The following MAN2B2 variants were observed in gnomAD, a reference collection of about 807,000 sequenced individuals.
MAN2B2 encodes epididymis-specific alpha-mannosidase.
In MAN2B2, 106 loss-of-function variants were observed where a neutral mutation model predicts 117.1. The ratio of observed to expected loss-of-function variants is 0.90; its 90% CI spans 0.77 to 1.06. The LOEUF is 1.06. Ranked by LOEUF, MAN2B2 falls within the 50% of genes least tolerant of loss-of-function variation. MAN2B2 has a pLI of 0.00. For synonymous variants in MAN2B2, 544 were observed against 595.1 expected, an observed-to-expected ratio of 0.91 and a Z score of 1.25; for missense variants, 1,326 against 1,381.4, an observed-to-expected ratio of 0.96 and a Z score of 0.64.
intron 10 of MAN2B2, among the ~76,000 whole-genome samples, chr4:6,602,795 T>A (rs1280769649): frequency 6.6e-6 from 1 of 151,870 alleles, no homozygotes; most frequent in Non-Finnish European, 1.5e-5. Flanking sequence ...CTCAGTCTCC[T>A]GAGTAGCTGG....
intron 17 of MAN2B2, 116 bp downstream of exon 17, chr4:6,617,608 G>A (rs969626344): frequency 4.5e-6 from 7 of 1,541,896 alleles, no homozygotes; most frequent in African/African-American, 2.7e-5. Flanking sequence ...ATGGACGCTG[G>A]TATGGGCCCC....
chr4:6,609,276 G>GAGAGCC lies in MAN2B2; in HGVS notation c.1987_1988insGCCAGA (p.Glu662_Ile663insSerGln). Reference sequence around the variant, plus strand: ...GATTGTGGCGGGACAGCTTGTGACTGAGATCCGGCAGTACTTCTACAGGTG... The same window carrying GAGAGCC: ...GATTGTGGCGGGACAGCTTGTGACTGAGAGCCAGATCCGGCAGTACTTCTACAGGTG... On this transcript the variant is annotated inframe_insertion, in exon 12 of 19. Transcript: ENST00000285599. The GAGAGCC allele has an allele frequency of 5.0e-6, 8 of 1,614,022 alleles. No homozygotes were observed. Among genetic ancestry groups the GAGAGCC allele is most frequent in the Non-Finnish European group, 6.8e-6 (8 of 1,179,980 alleles).
At chr4:6,582,878 G>A (rs955333901) in intron 3 of MAN2B2, among the ~76,000 whole-genome samples, 1 of 151,578 alleles carries the variant, frequency 6.6e-6, no homozygotes, top group South Asian at 2.1e-4. Flanking sequence ...GTGCTAGTGA[G>A]CTTGCTTGTG....
intron 3 of MAN2B2, among the ~76,000 whole-genome samples, chr4:6,580,584 T>C (rs1234702019): frequency 1.3e-5 from 2 of 152,066 alleles, no homozygotes; most frequent in African/African-American, 2.4e-5. Flanking sequence ...TTCTCCACCC[T>C]CCTCCTCAAG....
chr4:6,577,093 G>A (rs1415710463), intron 2 of MAN2B2, among the ~76,000 whole-genome samples: 1 of 152,136 alleles, frequency 6.6e-6, no homozygotes, highest in Non-Finnish European at 1.5e-5. Flanking sequence ...CTGGCCCCCG[G>A]GCCCAGGGTC....
At chr4:6,594,880 G>C in intron 7 of MAN2B2, 148 bp downstream of exon 7, 1 of 780,416 alleles carries the variant, frequency 1.3e-6, no homozygotes, top group African/African-American at 1.7e-5. Context: ...CAGGGGCAGA[G>C]ACTGACCCTC....
chr4:6,579,015 CCACCATCACCATCACCACTACCACCAT>C (rs1726185496), intron 3 of MAN2B2, among the ~76,000 whole-genome samples: 1 of 102,434 alleles, frequency 9.8e-6, no homozygotes, highest in Non-Finnish European at 1.9e-5. Context: ...ACCACCACCA[CCACCATCACCATCACCACTACCACCAT>C]CACCACCATC....
intron 16 of MAN2B2, 33 bp downstream of exon 16, chr4:6,614,388 T>C (rs1396918971): frequency 1.2e-6 from 2 of 1,605,776 alleles, no homozygotes; most frequent in East Asian, 2.2e-5. Context: ...TCAGACCTGC[T>C]CCTCCCTCCC....
rs1164437028 is a variant in MAN2B2, at chr4:6,593,230, G to A, written c.738G>A (p.Val246=). Reference sequence around the variant, plus strand: ...TCCCCAAGCCTCCCCAAGATGGGGTGTACCCCAACATGAGTGAGCCTGTCA... The same window carrying A: ...TCCCCAAGCCTCCCCAAGATGGGGTATACCCCAACATGAGTGAGCCTGTCA... ...AVFPKPPQDG[V]YPNMSEPVTP... Residue 246 remains valine (V), a synonymous_variant, in exon 6 of 19, where the codon GTG becomes GTA. Transcript: ENST00000285599. 13 of 1,613,856 alleles carry A rather than the reference G, an allele frequency of 8.1e-6. No homozygotes were observed. The highest frequency in any genetic ancestry group is 1.1e-5 in the Non-Finnish European group (13 of 1,179,866).
In MAN2B2 at chr4:6,614,381, G is replaced by A. The variant is rs200903733; in HGVS notation, c.2701+26G>A. The A allele has an allele frequency of 5.6e-4, 897 of 1,608,504 alleles. 8 individuals carry two copies. In the African/African-American group the frequency reaches 0.011, roughly 19 times the overall value. On this transcript the variant is annotated intron_variant, in intron 16 of 18. Transcript: ENST00000285599. ...GTGAGGCAGGTGCCCTGGCGTCTCA[G>A]ACCTGCTCCTCCCTCCCTGAGTCAA... is the stretch of plus-strand genomic sequence containing the variant.
At chr4:6,592,073 T>C (rs1726882269) in intron 5 of MAN2B2, among the ~76,000 whole-genome samples, 1 of 152,176 alleles carries the variant, frequency 6.6e-6, no homozygotes, top group African/African-American at 2.4e-5. Context: ...GCAGTCAGCC[T>C]TGGTCTCTGT....
At chr4:6,595,255 A>T (rs1727035206) in intron 7 of MAN2B2, among the ~76,000 whole-genome samples, 1 of 151,936 alleles carries the variant, frequency 6.6e-6, no homozygotes, top group African/African-American at 2.4e-5. Context: ...GCCTGTGTGC[A>T]AGTCATGAAA....
intron 3 of MAN2B2, among the ~76,000 whole-genome samples, chr4:6,579,122 A>ACC (rs1726228239): frequency 1.7e-5 from 1 of 60,450 alleles, no homozygotes; most frequent in Non-Finnish European, 3.5e-5. Flanking sequence ...CACCATCACC[A>ACC]CTACCACCAC....
intron 9 of MAN2B2, among the ~76,000 whole-genome samples, chr4:6,598,948 C>T (rs1441055746): frequency 6.6e-6 from 1 of 152,238 alleles, no homozygotes; most frequent in Non-Finnish European, 1.5e-5. Context: ...TGATCACATG[C>T]CAGTGTGCCT....
At chr4:6,609,543 A>G in intron 12 of MAN2B2, 1 of 624,842 alleles carries the variant, frequency 1.6e-6, no homozygotes, top group African/African-American at 1.8e-5. Flanking sequence ...TGGGGCCCAC[A>G]GAGCACCTGT....
intron 6 of MAN2B2, among the ~76,000 whole-genome samples, chr4:6,594,111 A>G (rs1049143659): frequency 5.9e-5 from 9 of 152,102 alleles, no homozygotes; most frequent in Non-Finnish European, 1.0e-4. Context: ...ATCATTAATT[A>G]TAATGATTTG....
chr4:6,615,604 C>T (rs151161279), intron 16 of MAN2B2, among the ~76,000 whole-genome samples: 1,979 of 152,134 alleles, frequency 0.013, 41 homozygotes, highest in African/African-American at 0.045. Context: ...CGAGACCAGC[C>T]TGGGCAACAT....
chr4:6,581,963 C>G (rs1726444881), intron 3 of MAN2B2, among the ~76,000 whole-genome samples: 1 of 152,008 alleles, frequency 6.6e-6, no homozygotes, highest in Non-Finnish European at 1.5e-5. Flanking sequence ...GGCAGCGGCC[C>G]CCGGGGGTAA....
intron 10 of MAN2B2, among the ~76,000 whole-genome samples, chr4:6,603,354 G>A (rs1727409124): frequency 6.6e-6 from 1 of 152,272 alleles, no homozygotes; most frequent in Non-Finnish European, 1.5e-5. Context: ...TGGGCTGGGT[G>A]CTGGGCCCCT....
Sources: allele counts gnomAD v4.1 joint callset (sites outside exome capture counted in the v4.1 genomes callset), GRCh38; gene constraint gnomAD v4.1.1; transcripts MANE v1.5; gene names NCBI Gene and HGNC (gene_info 2026-07-23, HGNC 2026-07-21).